The following SH3GL3 variants were observed in gnomAD, a reference collection of about 807,000 sequenced individuals.
The protein encoded by SH3GL3 is endophilin-A3.
Under a neutral mutation model 47.7 loss-of-function variants are expected in SH3GL3, and 33 were observed. That is an observed-to-expected ratio of 0.69 (90% CI 0.52 to 0.92). The LOEUF is 0.92. Ranked by LOEUF, SH3GL3 falls within the 40% of genes least tolerant of loss-of-function variation. The pLI is 0.00. For missense variants in SH3GL3, 363 were observed against 417.8 expected (o/e 0.87, Z 1.14); for synonymous variants, 155 against 148.8 (o/e 1.04, Z -0.30).
the SH3GL3 span, among the ~76,000 whole-genome samples, chr15:83,625,434 G>A: frequency 6.6e-6 from 1 of 152,138 alleles, no homozygotes; most frequent in Admixed American, 6.5e-5. Flanking sequence ...GAAACTATCA[G>A]CCACATTGTA....
chr15:83,556,393 C>T, intron 1 of SH3GL3, among the ~76,000 whole-genome samples: 1 of 152,224 alleles, frequency 6.6e-6, no homozygotes, highest in Non-Finnish European at 1.5e-5. Flanking sequence ...GACTCTTAAC[C>T]TGTGACTCCT....
In SH3GL3 at chr15:83,448,156, C is replaced by G. The variant is rs2039538795; in HGVS notation, c.45+578C>G. ...GGTCCTTCCCCTCCCCACCGTCTTC[C>G]CGGTGTCGGCCCGGGGCTGGGCATC... On this transcript the variant is annotated intron_variant, in intron 1 of 8. Coordinates refer to ENST00000427482, the MANE Select transcript of SH3GL3 (RefSeq NM_003027.5). The surrounding 1 kb of genome is among the most constrained non-coding windows in gnomAD (Gnocchi z 4.2). 6.6e-6 allele frequency among the ~76,000 whole-genome samples: 1 copy of G among 152,186 alleles called. No individual in the cohort carries two copies. The highest frequency in any genetic ancestry group is 6.5e-5 in the Admixed American group (1 of 15,284).
At chr15:83,481,269 T>C (rs1259267662) in intron 1 of SH3GL3, among the ~76,000 whole-genome samples, 10 of 99,018 alleles carry the variant, frequency 1.0e-4, no homozygotes, top group African/African-American at 1.7e-4. Flanking sequence ...AGAGACATTC[T>C]GTCTCAAAAA....
chr15:83,555,373 A>G (rs1291700492), intron 1 of SH3GL3, among the ~76,000 whole-genome samples: 2 of 152,134 alleles, frequency 1.3e-5, no homozygotes, highest in South Asian at 2.1e-4. Flanking sequence ...ATGTTATGTT[A>G]TGTGATTTTG....
At chr15:83,479,360 G>A (rs2041240225) in intron 1 of SH3GL3, among the ~76,000 whole-genome samples, 1 of 151,920 alleles carries the variant, frequency 6.6e-6, no homozygotes, top group South Asian at 2.1e-4. Flanking sequence ...TGGTGTTGAT[G>A]TTGTTGTTCT....
At chr15:83,545,154 T>A (rs2044336653) in intron 1 of SH3GL3, among the ~76,000 whole-genome samples, 1 of 152,190 alleles carries the variant, frequency 6.6e-6, no homozygotes, top group African/African-American at 2.4e-5. Flanking sequence ...GGTCAATAAC[T>A]CTTAGATTTG....
Position 83,586,832 on chromosome 15 carries a change from T to C in SH3GL3, c.625-151T>C, listed in dbSNP as rs2059967551. ...TCCATACCATGACCTGTATGATTATTATACAGAGCTCCTACATGAAATTAA... is the reference window on the plus strand; with the variant it reads ...TCCATACCATGACCTGTATGATTATCATACAGAGCTCCTACATGAAATTAA... On this transcript the variant is annotated intron_variant, in intron 6 of 8. Transcript: ENST00000427482. 3 of 471,684 alleles carry C rather than the reference T, an allele frequency of 6.4e-6. No homozygotes were observed. The East Asian group carries it at 1.0e-4, about 16-fold the overall frequency. 29.2% of individuals were successfully genotyped at this position (471,684 alleles called of 1,614,324 possible).
chr15:83,576,622 G>T lies in SH3GL3; in HGVS notation c.505G>T (p.Asp169Tyr). 1.2e-6 allele frequency: 2 copies of T among 1,611,808 alleles called. No homozygotes were observed. Among genetic ancestry groups the T allele is most frequent in the Non-Finnish European group, 1.7e-6 (2 of 1,179,234 alleles). The change falls in exon 6 of 9, where the codon GAT becomes TAT. Residue 169 changes from aspartate to tyrosine, a missense_variant. Transcript: ENST00000427482. ...KKLEGRRLDY[D>Y]YKKKRVGKIP... ...GCTGGAAGGCCGCCGCCTGGATTAC[G>T]ATTATAAAAAGAAACGAGTAGGTAA...
chr15:83,492,768 TTCCAGAGTTG>T (rs912517568), intron 1 of SH3GL3, among the ~76,000 whole-genome samples: 1 of 152,226 alleles, frequency 6.6e-6, no homozygotes, highest in African/African-American at 2.4e-5. Context: ...CCACACTGTT[TTCCAGAGTTG>T]TCCAGAGAGA....
chr15:83,586,941 A>C (rs1239684295), intron 6 of SH3GL3, 42 bp from the exon 7 acceptor site: 3 of 1,079,384 alleles, frequency 2.8e-6, no homozygotes, highest in Non-Finnish European at 4.2e-6. Flanking sequence ...GACATTACAC[A>C]GGCTCGGGCC....
At position 83,587,239 on chromosome 15, in the gene SH3GL3, A is replaced by G. The variant is rs114124359; in HGVS notation, c.728+153A>G. On this transcript the variant is annotated intron_variant, in intron 7 of 8. Coordinates refer to ENST00000427482, the MANE Select transcript of SH3GL3 (RefSeq NM_003027.5). The stretch of plus-strand genomic sequence containing the variant: ...ACTGGCTTTCATGGTTGGATGTGGG[A>G]TGGGACTGAGATAATAAGTACTGGC... Among the ~76,000 whole-genome samples the G allele has an allele frequency of 4.5e-3, 683 of 152,218 alleles. 7 individuals are homozygous for G. Among genetic ancestry groups the G allele is most frequent in the African/African-American group, 0.016 (668 of 41,538 alleles).
At chr15:83,620,308 A>G (rs1368871235), downstream of SH3GL3, among the ~76,000 whole-genome samples, 1 of 152,264 alleles carries the variant, frequency 6.6e-6, no homozygotes, top group Non-Finnish European at 1.5e-5. Flanking sequence ...CATCTAGAAT[A>G]CTGAGTCCTT....
chr15:83,522,980 A>G (rs538149521), intron 1 of SH3GL3, among the ~76,000 whole-genome samples: 1 of 152,336 alleles, frequency 6.6e-6, no homozygotes, highest in East Asian at 1.9e-4. Flanking sequence ...CATTTTACCA[A>G]AGTATTCTTT....
intron 8 of SH3GL3, among the ~76,000 whole-genome samples, chr15:83,610,073 G>A (rs1315745178): frequency 6.6e-6 from 1 of 152,214 alleles, no homozygotes; most frequent in East Asian, 1.9e-4. Flanking sequence ...AAGGCTAGGT[G>A]GGACCTGGAC....
chr15:83,507,594 T>C (rs964016367), intron 1 of SH3GL3, among the ~76,000 whole-genome samples: 1 of 151,886 alleles, frequency 6.6e-6, no homozygotes, highest in Admixed American at 6.6e-5. Context: ...TTTGTAGTTT[T>C]AGTAGAGATG....
intron 1 of SH3GL3, among the ~76,000 whole-genome samples, chr15:83,464,873 A>G (rs1486910421): frequency 6.6e-6 from 1 of 151,990 alleles, no homozygotes. Context: ...TAAAAAATGT[A>G]TCTCGGGCCA....
At position 83,447,931 on chromosome 15, in the gene SH3GL3, G is replaced by A. The variant is rs1567227756; in HGVS notation, c.45+353G>A. Among the ~76,000 whole-genome samples, 1 of 152,150 alleles carries A rather than the reference G, an allele frequency of 6.6e-6. No homozygotes were observed. The highest frequency in any genetic ancestry group is 2.4e-5 in the African/African-American group (1 of 41,452). On this transcript the variant is annotated intron_variant, in intron 1 of 8. Transcript: ENST00000427482. This position sits in a 1 kb window ranked among gnomAD's most constrained non-coding sequence, Gnocchi z 5.1. ...AGGGGAGGACGACCACAGGGAGTAC[G>A]ATGCCGGCAGGGCCTCCCCCGAGTC...
intron 1 of SH3GL3, among the ~76,000 whole-genome samples, chr15:83,525,702 G>T (rs1205924512): frequency 6.6e-6 from 1 of 152,108 alleles, no homozygotes. Flanking sequence ...TTGGGATATG[G>T]TGAGAGATAG....
chr15:83,521,211 AAAAC>A (rs1409119887), intron 1 of SH3GL3, among the ~76,000 whole-genome samples: 3 of 152,238 alleles, frequency 2.0e-5, no homozygotes, highest in Non-Finnish European at 4.4e-5. Flanking sequence ...TTAACAAAAG[AAAAC>A]AAACCGTAGA....
Sources: gnomAD v4.1 joint callset for allele counts (sites outside exome capture counted in the v4.1 genomes callset) on GRCh38, gnomAD v4.1.1 for gene constraint, Gnocchi (gnomAD v3.1) non-coding constraint, MANE v1.5 for transcripts, NCBI Gene and HGNC (gene_info 2026-07-23, HGNC 2026-07-21) for gene names.